Variants in POMP observed in about 807,000 individuals in gnomAD.
POMP encodes proteasome maturation protein, also known as 2510048O06Rik.
Under a neutral mutation model 20.6 loss-of-function variants are expected in POMP, and 12 were observed. The observed-to-expected ratio is 0.58, with a 90% CI of 0.37 to 0.94. POMP has a LOEUF of 0.94. POMP is among the 40% of genes least tolerant of loss of function. POMP has a pLI of 0.01. For missense variants in POMP, 136 were observed against 161.1 expected (o/e 0.84, Z 0.84); for synonymous variants, 53 against 55.0 (o/e 0.96, Z 0.16).
chr13:28,662,633 G>A, intron 2 of POMP, 126 bp downstream of exon 2: 1 of 753,586 alleles, frequency 1.3e-6, no homozygotes, highest in Non-Finnish European at 2.3e-6. Context: ...TACCTTACAT[G>A]GGGTGCAGAG....
chr13:28,665,342 TAAG>T (rs1335176346), intron 3 of POMP, among the ~76,000 whole-genome samples: 1 of 152,200 alleles, frequency 6.6e-6, no homozygotes, highest in Non-Finnish European at 1.5e-5. Context: ...CGCTTTCTAA[TAAG>T]AGGATAGGTC....
intron 5 of POMP, among the ~76,000 whole-genome samples, chr13:28,673,202 C>G (rs1316736000): frequency 6.6e-6 from 1 of 151,752 alleles, no homozygotes; most frequent in African/African-American, 2.4e-5. Context: ...TCCCAAGTAG[C>G]TGGGATTACA....
chr13:28,661,388 C>T (rs1206777176), intron 1 of POMP, among the ~76,000 whole-genome samples: 1 of 152,188 alleles, frequency 6.6e-6, no homozygotes, highest in African/African-American at 2.4e-5. Context: ...ATCGCTTGAA[C>T]CTGGGAAGTC....
At chr13:28,674,338 G>A (rs540800257) in intron 5 of POMP, among the ~76,000 whole-genome samples, 1 of 152,208 alleles carries the variant, frequency 6.6e-6, no homozygotes, top group African/African-American at 2.4e-5. Context: ...CATTGAGTGT[G>A]TTACGTTAGA....
chr13:28,671,677 A>G (rs532189467), intron 4 of POMP, among the ~76,000 whole-genome samples: 30 of 151,096 alleles, frequency 2.0e-4, no homozygotes, highest in Non-Finnish European at 3.5e-4. Flanking sequence ...ATTTTTCCAC[A>G]CTATAAAGAT....
chr13:28,659,733 A>G (rs118040993), intron 1 of POMP: 270 of 155,136 alleles, frequency 1.7e-3, no homozygotes, highest in Non-Finnish European at 3.3e-3. Flanking sequence ...AAAATCAGAC[A>G]GTTGCTATTC....
intron 4 of POMP, among the ~76,000 whole-genome samples, chr13:28,670,578 C>T (rs1271010836): frequency 6.6e-6 from 1 of 152,200 alleles, no homozygotes; most frequent in African/African-American, 2.4e-5. Flanking sequence ...TAAAACCCAA[C>T]ACTTAGTGTG....
intron 5 of POMP, among the ~76,000 whole-genome samples, chr13:28,675,164 C>T (rs116811411): frequency 0.031 from 4,604 of 149,790 alleles, 258 homozygotes; most frequent in African/African-American, 0.11. Flanking sequence ...TTTGGAGACA[C>T]GAGTCTAGCT....
Sources: allele counts gnomAD v4.1 joint callset (sites outside exome capture counted in the v4.1 genomes callset), GRCh38; gene constraint gnomAD v4.1.1; transcripts MANE v1.5; gene names NCBI Gene and HGNC (gene_info 2026-07-23, HGNC 2026-07-21).